CWC27: variants seen among roughly 807,000 people sequenced by gnomAD.
CWC27 encodes CWC27 spliceosome associated cyclophilin, also known as spliceosome-associated protein CWC27 homolog.
In CWC27, 47 loss-of-function variants were observed where a neutral mutation model predicts 63.6. The ratio of observed to expected loss-of-function variants is 0.74; its 90% CI spans 0.58 to 0.94. CWC27 has a LOEUF of 0.94. CWC27 is among the 40% of genes least tolerant of loss of function. The pLI, the probability that CWC27 is intolerant of heterozygous loss-of-function variation, is 0.00. For synonymous variants in CWC27, 175 were observed against 179.8 expected, an observed-to-expected ratio of 0.97 and a Z score of 0.22; for missense variants, 495 against 554.3, an observed-to-expected ratio of 0.89 and a Z score of 1.07.
intron 10 of CWC27, among the ~76,000 whole-genome samples, chr5:64,824,444 C>T (rs945713774): frequency 1.3e-5 from 2 of 151,550 alleles, no homozygotes; most frequent in African/African-American, 4.9e-5. Context: ...TATGGACTAA[C>T]ATTACTTGAT....
At chr5:65,009,464 C>G (rs1749906302) in intron 13 of CWC27, among the ~76,000 whole-genome samples, 1 of 152,160 alleles carries the variant, frequency 6.6e-6, no homozygotes, top group Non-Finnish European at 1.5e-5. Flanking sequence ...CATAGACACA[C>G]TATTATGGAC....
chr5:64,985,462 T>C (rs1749407466), intron 13 of CWC27, among the ~76,000 whole-genome samples: 1 of 152,250 alleles, frequency 6.6e-6, no homozygotes, highest in African/African-American at 2.4e-5. Context: ...CAGCATTTTA[T>C]AGTTGTTAGC....
intron 11 of CWC27, among the ~76,000 whole-genome samples, chr5:64,966,288 A>G (rs1248973367): frequency 4.6e-5 from 7 of 152,278 alleles, no homozygotes; most frequent in African/African-American, 1.4e-4. Context: ...AAGAAAAACA[A>G]GCTTGACTTG....
intron 2 of CWC27, among the ~76,000 whole-genome samples, chr5:64,775,866 T>C (rs889250756): frequency 6.6e-6 from 1 of 152,050 alleles, no homozygotes; most frequent in African/African-American, 2.4e-5. Context: ...TCTTCTAAGT[T>C]ATATTTGATT....
At chr5:64,964,325 G>A (rs1020921002) in intron 11 of CWC27, among the ~76,000 whole-genome samples, 1 of 152,152 alleles carries the variant, frequency 6.6e-6, no homozygotes, top group African/African-American at 2.4e-5. Context: ...CATTTACCCT[G>A]AGGCAGTTTT....
chr5:64,804,963 A>C (rs1222793675), intron 10 of CWC27: 1 of 152,060 alleles, frequency 6.6e-6, no homozygotes, highest in Non-Finnish European at 1.5e-5. Flanking sequence ...TATTCTCCTG[A>C]AATTCAACTT....
chr5:64,949,847 A>G (rs1018480705), intron 11 of CWC27, among the ~76,000 whole-genome samples: 5 of 151,908 alleles, frequency 3.3e-5, no homozygotes, highest in African/African-American at 1.2e-4. Flanking sequence ...ATACTCTTTC[A>G]TCATTGGACC....
intron 10 of CWC27, among the ~76,000 whole-genome samples, chr5:64,832,424 A>T (rs1159740): frequency 0.35 from 52,530 of 150,388 alleles, 9,478 homozygotes; most frequent in East Asian, 0.5. Flanking sequence ...TTTTTTTTTT[A>T]AATGAGAAGT....
chr5:64,883,360 A>G (rs535057805), intron 10 of CWC27, among the ~76,000 whole-genome samples: 1 of 152,330 alleles, frequency 6.6e-6, no homozygotes, highest in Admixed American at 6.5e-5. Flanking sequence ...ATAGGTACAA[A>G]TGCAGGACCA....
At chr5:64,921,077 T>C (rs915224570) in intron 11 of CWC27, among the ~76,000 whole-genome samples, 3 of 152,198 alleles carry the variant, frequency 2.0e-5, no homozygotes, top group East Asian at 3.9e-4. Context: ...TGTAGCTGTT[T>C]AGTGCTATAC....
intron 10 of CWC27, among the ~76,000 whole-genome samples, chr5:64,859,494 A>C (rs1746345857): frequency 1.3e-5 from 2 of 152,224 alleles, no homozygotes; most frequent in South Asian, 4.1e-4. Flanking sequence ...GAATTCCAAA[A>C]TATTGGAGAA....
intron 5 of CWC27, 145 bp downstream of exon 5, chr5:64,785,724 G>A (rs1361947320): frequency 2.0e-5 from 10 of 496,032 alleles, no homozygotes; most frequent in South Asian, 3.6e-5. Flanking sequence ...TTTGGGCACC[G>A]TTTCTAGTTA....
intron 11 of CWC27, among the ~76,000 whole-genome samples, chr5:64,947,480 A>G (rs1748612386): frequency 6.6e-6 from 1 of 152,104 alleles, no homozygotes. Flanking sequence ...GTTTTCATTG[A>G]CAAAATGGTT....
intron 7 of CWC27, among the ~76,000 whole-genome samples, chr5:64,798,818 C>T (rs1744371829): frequency 6.6e-6 from 1 of 151,970 alleles, no homozygotes; most frequent in African/African-American, 2.4e-5. Context: ...ATAAATTTTC[C>T]CACATAAAAT....
intron 13 of CWC27, among the ~76,000 whole-genome samples, chr5:65,013,737 C>T (rs1033702347): frequency 8.3e-4 from 126 of 152,242 alleles, no homozygotes; most frequent in African/African-American, 3.0e-3. Flanking sequence ...ACAATTAGGA[C>T]ACCTGCAACA....
At chr5:64,825,622 T>C (rs1330579007) in intron 10 of CWC27, among the ~76,000 whole-genome samples, 1 of 152,182 alleles carries the variant, frequency 6.6e-6, no homozygotes, top group Non-Finnish European at 1.5e-5. Flanking sequence ...GTTTAGATGA[T>C]TGATTCTGAA....
At chr5:64,946,968 G>A (rs1030834987) in intron 11 of CWC27, among the ~76,000 whole-genome samples, 1 of 152,132 alleles carries the variant, frequency 6.6e-6, no homozygotes, top group Non-Finnish European at 1.5e-5. Context: ...TATGTGACCA[G>A]TTATTATTTC....
intron 11 of CWC27, among the ~76,000 whole-genome samples, chr5:64,932,522 C>G (rs1368833061): frequency 6.6e-6 from 1 of 152,124 alleles, no homozygotes; most frequent in Non-Finnish European, 1.5e-5. Context: ...CTGAAATCAC[C>G]ACTTCCTTAC....
intron 10 of CWC27, among the ~76,000 whole-genome samples, chr5:64,806,795 TCCTGTATGGGCAACAGAGCAAGAC>T (rs1744690454): frequency 6.6e-6 from 1 of 151,940 alleles, no homozygotes; most frequent in South Asian, 2.1e-4. Context: ...TGAGCTATGA[TCCTGTATGGGCAACAGAGCAAGAC>T]CCTGTCTCTA....
Sources: gnomAD v4.1 joint callset for allele counts (sites outside exome capture counted in the v4.1 genomes callset) on GRCh38, gnomAD v4.1.1 for gene constraint, MANE v1.5 for transcripts, NCBI Gene and HGNC (gene_info 2026-07-23, HGNC 2026-07-21) for gene names.